The following CC2D1B variants were observed in gnomAD, a reference collection of about 807,000 sequenced individuals.
CC2D1B encodes the protein coiled-coil and C2 domain containing 1B.
A neutral mutation model predicts 110.8 loss-of-function variants in CC2D1B; 92 were observed. The ratio of observed to expected loss-of-function variants is 0.83; its 90% confidence interval spans 0.70 to 0.99. The LOEUF (loss-of-function observed/expected upper bound fraction) is 0.99, where lower values mean the gene tolerates loss of function less well. CC2D1B is among the 50% of genes least tolerant of loss of function. The probability of loss-of-function intolerance (pLI) is 0.00; values close to 1 mark genes in which losing one functional copy is unlikely to be tolerated. For missense variants in CC2D1B, 1,136 were observed against 1,089.0 expected (o/e 1.04, Z -0.61); for synonymous variants, 406 against 429.2 (o/e 0.95, Z 0.67).
Position 52,355,398 on chromosome 1 carries a change from C to T in CC2D1B, c.2239G>A (p.Glu747Lys). The T allele has an allele frequency of 6.2e-7, 1 of 1,614,014 alleles. No homozygotes were observed. Among genetic ancestry groups the T allele is most frequent in the Non-Finnish European group, 8.5e-7 (1 of 1,179,976 alleles). ...AAAGAGGCCCACGTGTGGCCCTCAC[C>T]TGGAGAGTTTGTGTTCTTCACCACA... ...TAVVKNTNSP[E>K]FDQLFKLNIN... is the part of the protein sequence containing the mutation. The change falls in exon 21 of 25, where the codon GAA becomes AAA. Residue 747 changes from glutamate (E) to lysine (K), a missense_variant and splice_region_variant. Transcript: ENST00000284376.
chr1:52,353,619 C>T lies in CC2D1B; in HGVS notation c.2459G>A (p.Gly820Glu), dbSNP rs777595405. The part of the protein sequence containing the change: ...EVLDGRKPTG[G>E]KLEVKVRLRE... ...CAGCCTCACCTTCACCTCCAGCTTC[C>T]CCCCGGTGGGCTTCCTTCCATCCAG... Residue 820 changes from glycine (G) to glutamate (E), a missense_variant, in exon 24 of 25, where the codon GGG becomes GAG. Transcript: ENST00000284376. 7 of 1,609,770 alleles carry T rather than the reference C, an allele frequency of 4.3e-6. No individual in the cohort carries two copies. In the Admixed American group the frequency reaches 1.2e-4, roughly 27 times the overall value.
Position 52,357,091 on chromosome 1 carries a change from G to T in CC2D1B, c.1788C>A (p.Phe596Leu), listed in dbSNP as rs753776574. ...PSPLTDEEGD[F>L]ILIHHEDLRL... is the part of the protein sequence containing the mutation. ...GCAGGTCCTCATGGTGGATGAGGAT[G>T]AAGTCACCCTCCTCATCCGTCAAGG... The change falls in exon 16 of 25, where the codon TTC becomes TTA. Residue 596 changes from phenylalanine to leucine, a missense_variant. Physicochemically the swap from Phe to Leu is conservative, Grantham distance 22 (BLOSUM62 0). Coordinates refer to ENST00000284376, the MANE Select transcript of CC2D1B (RefSeq NM_001330585.2). 4 of 1,613,474 alleles carry T rather than the reference G, an allele frequency of 2.5e-6. No homozygotes were observed. Among genetic ancestry groups the T allele is most frequent in the Non-Finnish European group, 3.4e-6 (4 of 1,179,754 alleles).
intron 13 of CC2D1B, 124 bp downstream of exon 13, chr1:52,358,207 T>C: frequency 1.4e-6 from 2 of 1,389,876 alleles, no homozygotes; most frequent in South Asian, 1.4e-5. Flanking sequence ...GCAAGTTTTT[T>C]CTCTGTACAG....
chr1:52,363,556 T>C (rs187451108), intron 2 of CC2D1B, among the ~76,000 whole-genome samples: 1 of 152,232 alleles, frequency 6.6e-6, no homozygotes, highest in African/African-American at 2.4e-5. Context: ...AGAACTGTTT[T>C]CATGTTGTGA....
rs376159001 is a variant in CC2D1B at position 52,358,068 on chromosome 1, A to C, written c.1462-170T>G. On this transcript the variant is annotated intron_variant, in intron 13 of 24. Transcript: ENST00000284376. Reference sequence around the variant, plus strand: ...ATCTGAGAGCTAGAAGCAGCCTCAGAAGCTCTCACATCTAACCTCCCCAGC... The same window carrying C: ...ATCTGAGAGCTAGAAGCAGCCTCAGCAGCTCTCACATCTAACCTCCCCAGC... The C allele has an allele frequency of 6.7e-6, 7 of 1,043,512 alleles. No individual in the cohort carries two copies. The African/African-American group carries it at 9.6e-5, about 14-fold the overall frequency. 64.6% of individuals were successfully genotyped at this position (1,043,512 alleles called of 1,614,324 possible).
In CC2D1B at chr1:52,356,222, G is replaced by A; in HGVS notation, c.2018C>T (p.Thr673Ile). 1 of 1,613,846 alleles carries A rather than the reference G, an allele frequency of 6.2e-7. No individual in the cohort carries two copies. Among genetic ancestry groups the A allele is most frequent in the Non-Finnish European group, 8.5e-7 (1 of 1,179,810 alleles). ...LAQAQGLDPP[T>I]HHFELKTFQT... is the part of the protein sequence containing the mutation. ...GAATGTCTTCAACTCAAAGTGGTGG[G>A]TGGGAGGGTCGAGGCCCTGAGCCTG... Residue 673 changes from threonine to isoleucine, a missense_variant, in exon 18 of 25, where the codon ACC becomes ATC. Coordinates refer to ENST00000284376, the MANE Select transcript of CC2D1B (RefSeq NM_001330585.2).
chr1:52,356,528 A>G, intron 16 of CC2D1B, 86 bp from the exon 17 acceptor site: 3 of 1,439,442 alleles, frequency 2.1e-6, no homozygotes, highest in Non-Finnish European at 2.9e-6. Context: ...TCAAAGCTTC[A>G]ACTTTCCTCT....
intron 1 of CC2D1B, among the ~76,000 whole-genome samples, chr1:52,365,723 G>A (rs1471559852): frequency 1.3e-5 from 2 of 152,250 alleles, no homozygotes; most frequent in African/African-American, 4.8e-5. Context: ...GGAAAAGGCA[G>A]GAAGCCGGCG....
At chr1:52,354,788 C>T (rs41312652) in intron 22 of CC2D1B, 52 bp downstream of exon 22, 48,867 of 1,600,890 alleles carry the variant, frequency 0.031, 960 homozygotes, top group Non-Finnish European at 0.037. Flanking sequence ...CAGTGACAAA[C>T]GCTCTTCCCT....
intron 2 of CC2D1B, among the ~76,000 whole-genome samples, chr1:52,363,838 G>A (rs570162647): frequency 1.3e-5 from 2 of 152,142 alleles, no homozygotes; most frequent in East Asian, 1.9e-4. Context: ...ATGCCACCAC[G>A]CCCAGCTAAT....
rs748374613 is a variant in CC2D1B at position 52,364,601 on chromosome 1, G to C, written c.20C>G (p.Pro7Arg). The stretch of plus-strand genomic sequence containing the variant: ...GCCTCTGGCCTGAGGGCCCTTCCGA[G>C]GTCTTGGCCCTGGCATCATGGCAGC... MMPGPR[P>R]RKGPQARGQG... is the part of the protein sequence containing the mutation. The change falls in exon 2 of 25, where the codon CCT becomes CGT. Residue 7 changes from proline (P) to arginine (R), a missense_variant. Transcript: ENST00000284376. 3 of 1,607,670 alleles carry C rather than the reference G, an allele frequency of 1.9e-6. No individual in the cohort carries two copies. The Admixed American group carries it at 5.0e-5, about 27-fold the overall frequency.
At position 52,359,340 on chromosome 1, in the gene CC2D1B, C is replaced by T. The variant is rs112003280; in HGVS notation, c.1036G>A (p.Ala346Thr). Residue 346 changes from alanine to threonine, a missense_variant, in exon 10 of 25, where the codon GCT (alanine) becomes ACT (threonine). Coordinates refer to ENST00000284376, the MANE Select transcript of CC2D1B (RefSeq NM_001330585.2). Reference sequence around the variant, plus strand: ...GAGGGTGCTGTGGGAGCCTGAGAAGCCTGCTGGGGCTTCAGATCTGGGGGA... The same window carrying T: ...GAGGGTGCTGTGGGAGCCTGAGAAGTCTGCTGGGGCTTCAGATCTGGGGGA... The part of the protein sequence containing the change: ...PAPEDLKPQQ[A>T]SQAPTAPSVI... 7 of 1,613,288 alleles carry T rather than the reference C, an allele frequency of 4.3e-6. No individual in the cohort carries two copies. In the Admixed American group the frequency reaches 6.7e-5, roughly 15 times the overall value.
intron 2 of CC2D1B, among the ~76,000 whole-genome samples, 160 bp from the exon 3 acceptor site, chr1:52,362,906 G>A (rs1646813022): frequency 1.3e-5 from 2 of 152,268 alleles, no homozygotes; most frequent in South Asian, 4.2e-4. Flanking sequence ...TACTCCTTGA[G>A]ACACTTACCT....
At chr1:52,359,622 C>T (rs1000927185) in intron 8 of CC2D1B, 83 bp downstream of exon 8, 2 of 1,560,958 alleles carry the variant, frequency 1.3e-6, no homozygotes, top group Non-Finnish European at 1.7e-6. Context: ...GCCAATCTCA[C>T]TCAATCTCAG....
intron 23 of CC2D1B, 51 bp downstream of exon 23, chr1:52,354,557 T>C (rs780110772): frequency 4.1e-6 from 6 of 1,456,208 alleles, no homozygotes; most frequent in Middle Eastern, 1.7e-4. Flanking sequence ...TCAGTGCGTA[T>C]TGGCTCTTGT....
intron 3 of CC2D1B, 55 bp from the exon 4 acceptor site, chr1:52,361,671 G>C: frequency 6.2e-7 from 1 of 1,603,440 alleles, no homozygotes. Context: ...TCAGGGATGA[G>C]TAAAGGAGGG....
intron 23 of CC2D1B, 169 bp from the exon 24 acceptor site, chr1:52,353,816 T>A (rs896811482): frequency 5.0e-5 from 28 of 564,492 alleles, no homozygotes; most frequent in Non-Finnish European, 7.8e-5. Context: ...GAGGAGGAGG[T>A]GGTGGTGGTT....
At chr1:52,356,646 A>C in intron 16 of CC2D1B, 1 of 623,198 alleles carries the variant, frequency 1.6e-6, no homozygotes, top group Non-Finnish European at 2.8e-6. Flanking sequence ...GAGGAGAGCC[A>C]TTCCCCAAAT....
rs149792694 is a variant in CC2D1B, at chr1:52,353,058, C to G, written c.*167G>C. The G allele has an allele frequency of 3.1e-6, 2 of 642,038 alleles. No homozygotes were observed. Among genetic ancestry groups the G allele is most frequent in the African/African-American group, 1.9e-5 (1 of 52,176 alleles). 39.8% of individuals were successfully genotyped at this position (642,038 alleles called of 1,614,324 possible). On this transcript the variant is annotated 3_prime_UTR_variant, in exon 25 of 25. Transcript: ENST00000284376. ...TTCTGTAGAGCCCCAGAGGGGCCAA[C>G]AACAGGAAAGACCAGAGTCGTGGTC...
Sources: allele counts gnomAD v4.1 joint callset (sites outside exome capture counted in the v4.1 genomes callset), GRCh38; gene constraint gnomAD v4.1.1; transcripts MANE v1.5; gene names NCBI Gene and HGNC (gene_info 2026-07-23, HGNC 2026-07-21).